Variants in DDHD1 observed in about 807,000 individuals in gnomAD.
The protein encoded by DDHD1 is DDHD domain containing 1.
A neutral mutation model predicts 96.4 loss-of-function variants in DDHD1; 49 were observed. That is an observed-to-expected ratio of 0.51 (90% confidence interval 0.40 to 0.64). The LOEUF (loss-of-function observed/expected upper bound fraction) is 0.64. DDHD1 is among the 30% of genes least tolerant of loss of function. The probability of loss-of-function intolerance (pLI) is 0.00; values close to 1 mark genes in which losing one functional copy is unlikely to be tolerated. For missense variants in DDHD1, 1,106 were observed against 1,161.2 expected (o/e 0.95, Z 0.69); for synonymous variants, 442 against 446.5 (o/e 0.99, Z 0.13).
rs1409843125 is a variant in DDHD1, at chr14:53,045,377, A to G, written c.*1391T>C. ...GCTGGGACTACAGGTGTACACCACT[A>G]CAAGTGGCTAATTTTTGTCAGTTTT... On this transcript the variant is annotated 3_prime_UTR_variant, in exon 13 of 13. Coordinates refer to ENST00000673822, the MANE Select transcript of DDHD1 (RefSeq NM_001160148.2). 6.6e-6 allele frequency: 1 copy of G among 152,124 alleles called. No individual in the cohort carries two copies. The highest frequency in any genetic ancestry group is 1.5e-5 in the Non-Finnish European group (1 of 68,054). 9.4% of individuals were successfully genotyped at this position (152,124 alleles called of 1,614,324 possible).
At chr14:53,066,840 GC>G (rs1201655396) in intron 6 of DDHD1, among the ~76,000 whole-genome samples, 4 of 151,412 alleles carry the variant, frequency 2.6e-5, no homozygotes, top group Non-Finnish European at 5.9e-5. Flanking sequence ...ATTGGCTCGT[GC>G]CCGTAGTCCC....
At chr14:53,094,874 G>A (rs746290607) in intron 2 of DDHD1, among the ~76,000 whole-genome samples, 1 of 151,278 alleles carries the variant, frequency 6.6e-6, no homozygotes, top group Non-Finnish European at 1.5e-5. Context: ...TATGGTTGCT[G>A]CATTTCTGTA....
At chr14:53,087,851 C>G (rs1055010374) in intron 4 of DDHD1, among the ~76,000 whole-genome samples, 12 of 151,868 alleles carry the variant, frequency 7.9e-5, no homozygotes, top group African/African-American at 2.9e-4. Context: ...AAAAACCCTT[C>G]AAAAAAATCA....
chr14:53,088,464 T>C (rs1360533580), intron 4 of DDHD1, among the ~76,000 whole-genome samples: 2 of 152,138 alleles, frequency 1.3e-5, no homozygotes, highest in African/African-American at 2.4e-5. Flanking sequence ...TCAAAAAGCG[T>C]ATCCACCAAG....
chr14:53,093,190 G>T, intron 3 of DDHD1, 126 bp downstream of exon 3: 3 of 918,752 alleles, frequency 3.3e-6, no homozygotes, highest in Non-Finnish European at 4.5e-6. Flanking sequence ...ATTTAAAAAG[G>T]AATCTGTCAC....
chr14:53,061,468 A>G (rs1883548889), intron 7 of DDHD1: 1 of 322,332 alleles, frequency 3.1e-6, no homozygotes, highest in Non-Finnish European at 5.6e-6. Flanking sequence ...ATACAAGCAC[A>G]TATACATCTT....
At chr14:53,140,435 A>G (rs180949639) in intron 1 of DDHD1, among the ~76,000 whole-genome samples, 38 of 152,076 alleles carry the variant, frequency 2.5e-4, no homozygotes, top group African/African-American at 8.7e-4. Context: ...GGAGGCTTAG[A>G]CAGGAGAATT....
chr14:53,126,197 A>T (rs1232711891), intron 1 of DDHD1, among the ~76,000 whole-genome samples: 1 of 152,200 alleles, frequency 6.6e-6, no homozygotes, highest in Non-Finnish European at 1.5e-5. Context: ...AAATATTTTC[A>T]GTATTTTTAT....
At chr14:53,127,007 G>A (rs546461969) in intron 1 of DDHD1, among the ~76,000 whole-genome samples, 3 of 152,026 alleles carry the variant, frequency 2.0e-5, no homozygotes, top group Non-Finnish European at 2.9e-5. Flanking sequence ...AAAAAGAACA[G>A]AGAAAAAGGA....
At chr14:53,123,929 G>T (rs935136597) in intron 1 of DDHD1, among the ~76,000 whole-genome samples, 4 of 152,122 alleles carry the variant, frequency 2.6e-5, no homozygotes, top group Admixed American at 1.3e-4. Context: ...ACTCAGATGG[G>T]TGATAAAAAT....
At chr14:53,076,315 G>C (rs1884956173) in intron 4 of DDHD1, among the ~76,000 whole-genome samples, 1 of 152,112 alleles carries the variant, frequency 6.6e-6, no homozygotes. Context: ...ACTTTGAGGG[G>C]CTCAAGACTT....
chr14:53,107,273 T>C (rs570051185), intron 1 of DDHD1, among the ~76,000 whole-genome samples: 5 of 152,360 alleles, frequency 3.3e-5, no homozygotes, highest in African/African-American at 1.2e-4. Context: ...ATCACCACTC[T>C]TGCGCTTTGG....
intron 6 of DDHD1, among the ~76,000 whole-genome samples, chr14:53,067,822 C>G (rs890483593): frequency 2.6e-5 from 4 of 152,144 alleles, no homozygotes; most frequent in Non-Finnish European, 4.4e-5. Flanking sequence ...ACACAAAGAT[C>G]ACTCATATAA....
At chr14:53,114,577 G>A (rs34305033) in intron 1 of DDHD1, among the ~76,000 whole-genome samples, 33,756 of 152,132 alleles carry the variant, frequency 0.22, 4,246 homozygotes, top group Middle Eastern at 0.34. Flanking sequence ...AGCTTCCACT[G>A]CAGGTCAACA....
chr14:53,077,681 T>TAA (rs199780906), intron 4 of DDHD1, among the ~76,000 whole-genome samples: 6 of 149,650 alleles, frequency 4.0e-5, no homozygotes, highest in African/African-American at 1.5e-4. Flanking sequence ...TTTTTTTTTT[T>TAA]AAAAAACAAT....
chr14:53,147,272 T>C (rs10135348), intron 1 of DDHD1, among the ~76,000 whole-genome samples: 4,869 of 152,220 alleles, frequency 0.032, 254 homozygotes, highest in African/African-American at 0.11. Context: ...TAAAGAGTTA[T>C]ATGGAGATAA....
chr14:53,097,136 T>C (rs983071953), intron 2 of DDHD1, among the ~76,000 whole-genome samples: 2 of 152,034 alleles, frequency 1.3e-5, no homozygotes, highest in Non-Finnish European at 2.9e-5. Flanking sequence ...CTCAAATTCA[T>C]GTTCAAATAC....
intron 2 of DDHD1, 120 bp downstream of exon 2, chr14:53,103,563 A>C (rs1887470485): frequency 2.4e-6 from 2 of 834,358 alleles, no homozygotes; most frequent in Non-Finnish European, 3.5e-6. Flanking sequence ...ATGTTTAAAA[A>C]AATCAAATTT....
At chr14:53,119,650 C>T (rs1466211884) in intron 1 of DDHD1, among the ~76,000 whole-genome samples, 1 of 152,122 alleles carries the variant, frequency 6.6e-6, no homozygotes, top group East Asian at 1.9e-4. Context: ...TGGTTCAACA[C>T]ATGCAAATCA....
Sources: gnomAD v4.1 joint callset for allele counts (sites outside exome capture counted in the v4.1 genomes callset) on GRCh38, gnomAD v4.1.1 for gene constraint, MANE v1.5 for transcripts, NCBI Gene and HGNC (gene_info 2026-07-23, HGNC 2026-07-21) for gene names.